Variants in MAN1A1 observed in about 807,000 individuals in gnomAD.
MAN1A1 encodes the protein mannosyl-oligosaccharide 1,2-alpha-mannosidase IA.
Under a neutral mutation model 70.8 loss-of-function variants are expected in MAN1A1, and 29 were observed. The observed-to-expected ratio is 0.41, with a 90% confidence interval of 0.31 to 0.56. The LOEUF (loss-of-function observed/expected upper bound fraction) is 0.56, where lower values mean the gene tolerates loss of function less well. MAN1A1 is among the 20% of genes least tolerant of loss of function. The pLI, the probability that MAN1A1 is intolerant of heterozygous loss-of-function variation, is 0.29. For missense variants in MAN1A1, 747 were observed against 841.3 expected (o/e 0.89, Z 1.39); for synonymous variants, 349 against 330.1 (o/e 1.06, Z -0.62).
rs1322724717 is a variant in MAN1A1 at position 119,348,497 on chromosome 6, G to C, written c.569C>G (p.Ala190Gly). ...CTTTGCCCTTTTCTCGCGGATGGCG[G>C]CGTCGGCGGGCTCCCGGCTCTCCAC... ...IGVESREPAD[A>G]AIREKRAKIK... Residue 190 changes from alanine to glycine, a missense_variant, in exon 2 of 13, where the codon GCC becomes GGC. Ala to Gly is a moderately conservative substitution (Grantham distance 60). Transcript: ENST00000368468. The C allele has an allele frequency of 6.2e-7, 1 of 1,608,904 alleles. No homozygotes were observed. The highest frequency in any genetic ancestry group is 2.3e-5 in the East Asian group (1 of 44,420).
Position 119,189,771 on chromosome 6 carries a change from C to T in MAN1A1, c.1439G>A (p.Gly480Asp), listed in dbSNP as rs771018189. Reference protein sequence around the residue: ...KMGHLTCFAGGMFALGADAAP... With the variant: ...KMGHLTCFAGDMFALGADAAP... ...TGCATCAGCCCCGAGTGCGAACATG[C>T]CCCCCGCGAAGCAGGTCAGGTGGCC... The change falls in exon 10 of 13, where the codon GGC becomes GAC. Residue 480 changes from glycine (G) to aspartate (D), a missense_variant. Transcript: ENST00000368468. The T allele has an allele frequency of 1.2e-6, 2 of 1,614,088 alleles. No homozygotes were observed. The highest frequency in any genetic ancestry group is 1.1e-5 in the South Asian group (1 of 91,072).
At chr6:119,271,296 CATTT>C (rs1775916354) in intron 5 of MAN1A1, among the ~76,000 whole-genome samples, 1 of 152,048 alleles carries the variant, frequency 6.6e-6, no homozygotes, top group Non-Finnish European at 1.5e-5. Flanking sequence ...GCTTAAAAGA[CATTT>C]ATTTCATATT....
chr6:119,296,586 T>C (rs1189524312), intron 4 of MAN1A1, among the ~76,000 whole-genome samples: 1 of 152,050 alleles, frequency 6.6e-6, no homozygotes, highest in Non-Finnish European at 1.5e-5. Context: ...GTCATGCATT[T>C]GAGAAGATCC....
chr6:119,295,612 A>G, intron 4 of MAN1A1, among the ~76,000 whole-genome samples: 1 of 152,154 alleles, frequency 6.6e-6, no homozygotes, highest in South Asian at 2.1e-4. Context: ...CTTATCAGAC[A>G]TATTTAAATT....
At chr6:119,212,735 A>C (rs1392954202) in intron 6 of MAN1A1, among the ~76,000 whole-genome samples, 1 of 152,176 alleles carries the variant, frequency 6.6e-6, no homozygotes, top group African/African-American at 2.4e-5. Flanking sequence ...AACTTCTATA[A>C]AATAAACTGA....
At chr6:119,240,031 A>G (rs780529463) in intron 6 of MAN1A1, among the ~76,000 whole-genome samples, 7 of 152,358 alleles carry the variant, frequency 4.6e-5, no homozygotes, top group Middle Eastern at 3.4e-3. Flanking sequence ...TTGTCCTTAC[A>G]TGAAATTTTC....
At chr6:119,267,362 AAATAT>A (rs1775786684) in intron 5 of MAN1A1, among the ~76,000 whole-genome samples, 2 of 152,220 alleles carry the variant, frequency 1.3e-5, no homozygotes, top group African/African-American at 4.8e-5. Flanking sequence ...TTTTATGTTG[AAATAT>A]AATCTGTAAT....
intron 2 of MAN1A1, chr6:119,332,063 CTTG>C (rs1773332468): frequency 7.0e-6 from 3 of 425,688 alleles, no homozygotes; most frequent in Non-Finnish European, 1.4e-5. Flanking sequence ...AAACCAAATA[CTTG>C]TTGTTCTGAG....
At chr6:119,244,252 A>G (rs995656329) in intron 6 of MAN1A1, among the ~76,000 whole-genome samples, 23 of 152,114 alleles carry the variant, frequency 1.5e-4, no homozygotes, top group African/African-American at 5.3e-4. Flanking sequence ...TCTTGCTAAT[A>G]GTAATAACAA....
chr6:119,313,580 C>T (rs1319741559), intron 2 of MAN1A1, among the ~76,000 whole-genome samples: 1 of 150,824 alleles, frequency 6.6e-6, no homozygotes, highest in African/African-American at 2.4e-5. Context: ...GCTACGGTTG[C>T]GAGGATGAGA....
At chr6:119,246,682 G>A (rs1240262196) in intron 6 of MAN1A1, among the ~76,000 whole-genome samples, 1 of 152,042 alleles carries the variant, frequency 6.6e-6, no homozygotes, top group Non-Finnish European at 1.5e-5. Flanking sequence ...TCTTGTTTTA[G>A]GTAAGAGAGT....
At chr6:119,249,220 A>G (rs1775251990) in intron 5 of MAN1A1, among the ~76,000 whole-genome samples, 1 of 152,174 alleles carries the variant, frequency 6.6e-6, no homozygotes, top group Non-Finnish European at 1.5e-5. Context: ...AGCCTCCCTG[A>G]CAAAAAGGGG....
intron 5 of MAN1A1, among the ~76,000 whole-genome samples, chr6:119,275,201 C>T (rs1269554079): frequency 2.0e-5 from 3 of 147,624 alleles, no homozygotes; most frequent in Non-Finnish European, 4.5e-5. Flanking sequence ...ACCTCTGCCT[C>T]CCGGGTTCAA....
chr6:119,210,810 G>T (rs1774029108), intron 6 of MAN1A1: 1 of 359,120 alleles, frequency 2.8e-6, no homozygotes. Context: ...AAGGACTTGG[G>T]AATGTGTATT....
At chr6:119,229,896 A>G (rs941424834) in intron 6 of MAN1A1, among the ~76,000 whole-genome samples, 14 of 152,220 alleles carry the variant, frequency 9.2e-5, no homozygotes, top group African/African-American at 3.1e-4. Flanking sequence ...TTAAAGGAAG[A>G]TTCTTTTTTT....
chr6:119,308,871 G>C (rs749776744), intron 2 of MAN1A1, among the ~76,000 whole-genome samples: 1 of 152,052 alleles, frequency 6.6e-6, no homozygotes, highest in African/African-American at 2.4e-5. Flanking sequence ...AAAAAGTTAC[G>C]ATAATTTGTT....
chr6:119,207,249 C>T (rs909716), intron 6 of MAN1A1, among the ~76,000 whole-genome samples: 22,291 of 151,980 alleles, frequency 0.15, 2,943 homozygotes, highest in African/African-American at 0.36. Flanking sequence ...TCACCACCCC[C>T]CCAACCCCCA....
chr6:119,313,989 C>T (rs76293816), intron 2 of MAN1A1, among the ~76,000 whole-genome samples: 15,194 of 151,816 alleles, frequency 0.1, 967 homozygotes, highest in Non-Finnish European at 0.14. Flanking sequence ...AAAAAAAATC[C>T]GTGAGCCACA....
At chr6:119,327,160 G>T (rs919926966) in intron 2 of MAN1A1, 3 of 152,110 alleles carry the variant, frequency 2.0e-5, no homozygotes, top group African/African-American at 7.2e-5. Context: ...TAATAAGTGG[G>T]CCCTTAAATG....
Sources: allele counts gnomAD v4.1 joint callset (sites outside exome capture counted in the v4.1 genomes callset), GRCh38; gene constraint gnomAD v4.1.1; transcripts MANE v1.5; gene names NCBI Gene and HGNC (gene_info 2026-07-23, HGNC 2026-07-21).